The following YWHAG variants were observed in gnomAD, a reference collection of about 807,000 sequenced individuals.
The protein encoded by YWHAG is 14-3-3 protein gamma.
A neutral mutation model predicts 23.3 loss-of-function variants in YWHAG; 1 was observed. That is an observed-to-expected ratio of 0.04 (90% CI 0.02 to 0.20). YWHAG has a LOEUF of 0.20. Among genes scored for constraint, YWHAG ranks in the 10% least tolerant of loss-of-function variants. YWHAG has a pLI of 1.00. For synonymous variants in YWHAG, 160 were observed against 144.0 expected, an observed-to-expected ratio of 1.11 and a Z score of -0.80; for missense variants, 151 against 338.6, an observed-to-expected ratio of 0.45 and a Z score of 4.35.
chr7:76,346,523 G>A (rs1029222100), intron 1 of YWHAG, among the ~76,000 whole-genome samples: 1 of 152,190 alleles, frequency 6.6e-6, no homozygotes, highest in African/African-American at 2.4e-5. Context: ...TTGACCTGTA[G>A]CCAAGTTAAT....
intron 1 of YWHAG, among the ~76,000 whole-genome samples, chr7:76,348,421 A>ATT (rs35576700): frequency 0.027 from 3,574 of 130,888 alleles, 185 homozygotes; most frequent in African/African-American, 0.092. Flanking sequence ...ATGCCCGCTA[A>ATT]TTTTTTTTTT....
chr7:76,341,031 A>C (rs2115618637), intron 1 of YWHAG, among the ~76,000 whole-genome samples: 2 of 152,198 alleles, frequency 1.3e-5, no homozygotes, highest in South Asian at 4.2e-4. Flanking sequence ...GTGCCACCAA[A>C]GTGATCCTCC....
chr7:76,341,637 A>T (rs1056728007), intron 1 of YWHAG, among the ~76,000 whole-genome samples: 3 of 152,120 alleles, frequency 2.0e-5, no homozygotes, highest in African/African-American at 7.2e-5. Context: ...AGCCAGTCCA[A>T]AAGACCGCAT....
At chr7:76,337,415 C>T (rs542388955) in intron 1 of YWHAG, among the ~76,000 whole-genome samples, 42 of 152,304 alleles carry the variant, frequency 2.8e-4, no homozygotes, top group Admixed American at 4.6e-4. Flanking sequence ...GCATTTCTCA[C>T]ATATTGTCAC....
At chr7:76,358,158 C>T (rs964459218) in intron 1 of YWHAG, among the ~76,000 whole-genome samples, 5 of 152,048 alleles carry the variant, frequency 3.3e-5, no homozygotes, top group Non-Finnish European at 5.9e-5. Flanking sequence ...CCACGGAGCT[C>T]AGGTTTTCAA....
rs745421481 is a variant in YWHAG, at chr7:76,330,241, G to A, written c.88-8C>T. On this transcript the variant is annotated splice_region_variant and splice_polypyrimidine_tract_variant and intron_variant, in intron 1 of 1. Transcript: ENST00000307630. ...CTCATTCAGCTCTGTCACCTGCCAGGAGGAAAGAACAGAGTTGTTATGGTA... is the reference window on the plus strand; with the variant it reads ...CTCATTCAGCTCTGTCACCTGCCAGAAGGAAAGAACAGAGTTGTTATGGTA... 1.9e-6 allele frequency: 3 copies of A among 1,608,422 alleles called. No individual in the cohort carries two copies. Among genetic ancestry groups the A allele is most frequent in the South Asian group, 2.2e-5 (2 of 90,902 alleles).
chr7:76,354,275 C>G (rs1325653515), intron 1 of YWHAG, among the ~76,000 whole-genome samples: 1 of 152,102 alleles, frequency 6.6e-6, no homozygotes, highest in Non-Finnish European at 1.5e-5. Flanking sequence ...CTTTGGGAGG[C>G]TGAGGTGGGC....
intron 1 of YWHAG, among the ~76,000 whole-genome samples, chr7:76,344,255 T>G (rs1358924882): frequency 1.3e-5 from 2 of 152,086 alleles, no homozygotes; most frequent in African/African-American, 4.8e-5. Context: ...GGACCACAGG[T>G]GCATGCCACC....
intron 1 of YWHAG, among the ~76,000 whole-genome samples, chr7:76,352,987 T>C (rs1424852135): frequency 1.3e-5 from 2 of 152,118 alleles, no homozygotes; most frequent in Non-Finnish European, 2.9e-5. Flanking sequence ...CACATATTAG[T>C]AGTATTCAAC....
chr7:76,333,683 T>A (rs2115598778), intron 1 of YWHAG, among the ~76,000 whole-genome samples: 1 of 152,348 alleles, frequency 6.6e-6, no homozygotes, highest in East Asian at 1.9e-4. Context: ...TGGAAGGAGC[T>A]GAGCCCTTGG....
At chr7:76,334,143 A>G (rs1803584383) in intron 1 of YWHAG, among the ~76,000 whole-genome samples, 2 of 152,358 alleles carry the variant, frequency 1.3e-5, no homozygotes, top group South Asian at 4.1e-4. Flanking sequence ...AGTCTAAAGA[A>G]AAGTTGTTCT....
chr7:76,349,353 A>T (rs1320322695), intron 1 of YWHAG, among the ~76,000 whole-genome samples: 2 of 151,470 alleles, frequency 1.3e-5, no homozygotes, highest in African/African-American at 2.4e-5. Flanking sequence ...AAAAAAAAAA[A>T]ATACCAAAAA....
chr7:76,334,408 T>G (rs1294960227), intron 1 of YWHAG, among the ~76,000 whole-genome samples: 1 of 152,166 alleles, frequency 6.6e-6, no homozygotes, highest in Admixed American at 6.6e-5. Context: ...GTAACATTTT[T>G]CAAAACAGTC....
chr7:76,340,227 C>G (rs974418074), intron 1 of YWHAG, among the ~76,000 whole-genome samples: 4 of 152,210 alleles, frequency 2.6e-5, no homozygotes, highest in African/African-American at 9.6e-5. Context: ...CACTAACAAT[C>G]AATTCTAGTA....
At chr7:76,352,119 AAC>A (rs1165586781) in intron 1 of YWHAG, among the ~76,000 whole-genome samples, 80 of 152,336 alleles carry the variant, frequency 5.3e-4, no homozygotes, top group African/African-American at 1.8e-3. Context: ...TCTGTATAGA[AAC>A]AGTCAAAAAT....
In YWHAG at chr7:76,329,290, G is replaced by C; in HGVS notation, c.*287C>G. On this transcript the variant is annotated 3_prime_UTR_variant, in exon 2 of 2. Coordinates refer to ENST00000307630, the MANE Select transcript of YWHAG (RefSeq NM_012479.4). The surrounding 1 kb of genome is among the most constrained non-coding windows in gnomAD (Gnocchi z 6.1). The stretch of plus-strand genomic sequence containing the variant: ...TTTCATCTGAAAACCCTATTATCTA[G>C]CAATAAGTTAAATTAGAGACAGACA... The C allele has an allele frequency of 2.7e-6, 1 of 365,416 alleles. No individual in the cohort carries two copies. Among genetic ancestry groups the C allele is most frequent in the Middle Eastern group, 7.6e-4 (1 of 1,318 alleles). 22.6% of individuals were successfully genotyped at this position (365,416 alleles called of 1,614,324 possible). A position where few individuals can be genotyped will look rare whatever the true frequency, so the allele number is the denominator to read the frequency against.
chr7:76,344,100 TAAGCA>T (rs1554617734), intron 1 of YWHAG, among the ~76,000 whole-genome samples: 2 of 152,092 alleles, frequency 1.3e-5, no homozygotes, highest in Non-Finnish European at 2.9e-5. Context: ...TACAGGACTT[TAAGCA>T]AACAATTAGG....
intron 1 of YWHAG, among the ~76,000 whole-genome samples, chr7:76,338,118 G>T (rs1051478978): frequency 1.3e-5 from 2 of 152,006 alleles, no homozygotes; most frequent in African/African-American, 2.4e-5. Context: ...ACACTAGTGG[G>T]ATGTACTCAA....
intron 1 of YWHAG, among the ~76,000 whole-genome samples, chr7:76,338,463 G>C (rs1046245907): frequency 3.3e-5 from 5 of 152,128 alleles, no homozygotes; most frequent in African/African-American, 1.2e-4. Context: ...TCGCTTTACA[G>C]GTGTGACTCA....
Sources: gnomAD v4.1 joint callset for allele counts (sites outside exome capture counted in the v4.1 genomes callset) on GRCh38, gnomAD v4.1.1 for gene constraint, Gnocchi (gnomAD v3.1) non-coding constraint, MANE v1.5 for transcripts, NCBI Gene and HGNC (gene_info 2026-07-23, HGNC 2026-07-21) for gene names.